The following INSYN2B variants were observed in gnomAD, a reference collection of about 807,000 sequenced individuals.
INSYN2B encodes the protein protein INSYN2B.
A neutral mutation model predicts 41.2 loss-of-function variants in INSYN2B; 16 were observed. The ratio of observed to expected loss-of-function variants is 0.39; its 90% CI spans 0.26 to 0.59. The LOEUF (loss-of-function observed/expected upper bound fraction) is 0.59, where lower values mean the gene tolerates loss of function less well. Ranked by LOEUF, INSYN2B falls within the 20% of genes least tolerant of loss-of-function variation. INSYN2B has a pLI of 0.57. For synonymous variants in INSYN2B, 245 were observed against 244.4 expected (o/e 1.00, Z -0.02); for missense variants, 608 against 646.4 (o/e 0.94, Z 0.64).
At chr5:169,868,129 C>T (rs1279537818) in intron 3 of INSYN2B, among the ~76,000 whole-genome samples, 1 of 152,192 alleles carries the variant, frequency 6.6e-6, no homozygotes, top group Non-Finnish European at 1.5e-5. Context: ...CAAAACATTC[C>T]ATCCATCATC....
At chr5:169,939,056 A>G (rs1342339961) in intron 1 of INSYN2B, among the ~76,000 whole-genome samples, 4 of 151,522 alleles carry the variant, frequency 2.6e-5, no homozygotes, top group African/African-American at 9.7e-5. Flanking sequence ...GGCATGCACC[A>G]CCACGCCCTG....
intron 1 of INSYN2B, among the ~76,000 whole-genome samples, chr5:169,925,579 TAAAAAAAAAAAA>T (rs34833916): frequency 2.5e-5 from 2 of 80,288 alleles, no homozygotes; most frequent in East Asian, 3.4e-4. Context: ...GACTCTGTCT[TAAAAAAAAAAAA>T]AAAAAAAAAA....
chr5:169,896,464 T>A (rs1773614636), intron 1 of INSYN2B, among the ~76,000 whole-genome samples: 1 of 152,184 alleles, frequency 6.6e-6, no homozygotes, highest in Non-Finnish European at 1.5e-5. Flanking sequence ...GGGCTATGAT[T>A]TTCTCATCTG....
intron 3 of INSYN2B, among the ~76,000 whole-genome samples, chr5:169,865,539 T>G (rs1377420919): frequency 6.6e-6 from 1 of 152,224 alleles, no homozygotes; most frequent in Non-Finnish European, 1.5e-5. Context: ...CTGTCCTTAA[T>G]TGTCTTTCCT....
At chr5:169,972,478 A>G (rs1037683576) in intron 1 of INSYN2B, among the ~76,000 whole-genome samples, 1 of 91,370 alleles carries the variant, frequency 1.1e-5, no homozygotes, top group Non-Finnish European at 2.0e-5. Context: ...TTTGACAATG[A>G]AAAATATTTC....
intron 1 of INSYN2B, among the ~76,000 whole-genome samples, chr5:169,908,641 G>A (rs1390894636): frequency 6.6e-6 from 1 of 151,884 alleles, no homozygotes; most frequent in Non-Finnish European, 1.5e-5. Flanking sequence ...GCAAAACTAA[G>A]GATACAGTGA....
intron 1 of INSYN2B, among the ~76,000 whole-genome samples, chr5:169,893,555 G>A (rs924910093): frequency 6.6e-6 from 1 of 151,766 alleles, no homozygotes; most frequent in African/African-American, 2.4e-5. Flanking sequence ...CAAACACTGG[G>A]GGAGCTGCCT....
chr5:169,959,341 C>A (rs1776989436), intron 1 of INSYN2B, among the ~76,000 whole-genome samples: 1 of 151,854 alleles, frequency 6.6e-6, no homozygotes. Context: ...TGCACTCCAG[C>A]CTGGGTGACA....
At chr5:169,894,227 G>A (rs1326179896) in intron 1 of INSYN2B, among the ~76,000 whole-genome samples, 1 of 152,176 alleles carries the variant, frequency 6.6e-6, no homozygotes, top group African/African-American at 2.4e-5. Context: ...AGAGGTGCGA[G>A]ATTTGCCCAA....
intron 1 of INSYN2B, among the ~76,000 whole-genome samples, chr5:169,947,189 G>C (rs1330594013): frequency 6.6e-6 from 1 of 152,236 alleles, no homozygotes; most frequent in Admixed American, 6.5e-5. Flanking sequence ...GCTGTGATAT[G>C]AACTCAAGCA....
intron 1 of INSYN2B, among the ~76,000 whole-genome samples, chr5:169,971,472 C>G (rs1408935468): frequency 2.1e-5 from 3 of 145,500 alleles, no homozygotes; most frequent in Admixed American, 1.4e-4. Context: ...AAGGAATGCT[C>G]TATCCAAAAG....
At chr5:169,958,907 C>T (rs1776969885) in intron 1 of INSYN2B, among the ~76,000 whole-genome samples, 1 of 152,108 alleles carries the variant, frequency 6.6e-6, no homozygotes, top group Admixed American at 6.5e-5. Flanking sequence ...CTCTCAAAGA[C>T]AATGTGTTTT....
chr5:169,915,017 T>C (rs925819833), intron 1 of INSYN2B, among the ~76,000 whole-genome samples: 2 of 152,186 alleles, frequency 1.3e-5, no homozygotes, highest in African/African-American at 4.8e-5. Context: ...CAAGGCAAAC[T>C]CACAGCACAG....
At chr5:169,927,274 G>T (rs532779413) in intron 1 of INSYN2B, among the ~76,000 whole-genome samples, 1 of 152,150 alleles carries the variant, frequency 6.6e-6, no homozygotes, top group African/African-American at 2.4e-5. Context: ...AGATCCTCTA[G>T]AGCCTTGTAG....
chr5:169,934,779 C>A (rs552044043), intron 1 of INSYN2B: 1 of 450,294 alleles, frequency 2.2e-6, no homozygotes, highest in South Asian at 1.6e-5. Context: ...ATCATGCAAT[C>A]CTTATTGTTA....
At chr5:169,963,321 C>G (rs527316650) in intron 1 of INSYN2B, among the ~76,000 whole-genome samples, 2 of 152,300 alleles carry the variant, frequency 1.3e-5, no homozygotes, top group East Asian at 3.9e-4. Flanking sequence ...GCAGCCCTGA[C>G]CTGACTTGGC....
In INSYN2B at chr5:169,882,675, T is replaced by C; in HGVS notation, c.1224A>G (p.Glu408=). The C allele has an allele frequency of 6.4e-7, 1 of 1,551,848 alleles. No individual in the cohort carries two copies. Among genetic ancestry groups the C allele is most frequent in the Non-Finnish European group, 8.7e-7 (1 of 1,147,022 alleles). Residue 408 remains glutamate, a synonymous_variant, in exon 2 of 4, where the codon GAA becomes GAG. Transcript: ENST00000377365. The part of the protein sequence containing the change: ...DINQIHLARG[E]LCDLQGRLQS... Reference sequence around the variant, plus strand: ...GCAGTCGGCCTTGGAGGTCGCAGAGTTCACCCCGTGCCAGGTGAATTTGAT... The same window carrying C: ...GCAGTCGGCCTTGGAGGTCGCAGAGCTCACCCCGTGCCAGGTGAATTTGAT...
intron 1 of INSYN2B, among the ~76,000 whole-genome samples, chr5:169,924,623 ACTAAGACTTC>A (rs1198748292): frequency 3.9e-5 from 6 of 152,214 alleles, no homozygotes; most frequent in African/African-American, 1.4e-4. Flanking sequence ...ATTTGAACAA[ACTAAGACTTC>A]CTATTAGCAA....
intron 1 of INSYN2B, among the ~76,000 whole-genome samples, chr5:169,896,004 G>T (rs1447657350): frequency 6.6e-6 from 1 of 152,158 alleles, no homozygotes; most frequent in Non-Finnish European, 1.5e-5. Flanking sequence ...ATGATCTCAA[G>T]CCTGGCCTTG....
Sources: allele counts gnomAD v4.1 joint callset (sites outside exome capture counted in the v4.1 genomes callset), GRCh38; gene constraint gnomAD v4.1.1; transcripts MANE v1.5; gene names NCBI Gene and HGNC (gene_info 2026-07-23, HGNC 2026-07-21).